ZNF793: variants seen among roughly 807,000 people sequenced by gnomAD.
ZNF793 encodes zinc finger protein 793.
A neutral mutation model predicts 12.4 loss-of-function variants in ZNF793; 5 were observed. That is an observed-to-expected ratio of 0.40 (90% confidence interval 0.21 to 0.84). The LOEUF (loss-of-function observed/expected upper bound fraction) is 0.84. Among genes scored for constraint, ZNF793 ranks in the 40% least tolerant of loss-of-function variants. The pLI, the probability that ZNF793 is intolerant of heterozygous loss-of-function variation, is 0.35. For missense variants in ZNF793, 456 were observed against 495.0 expected, an observed-to-expected ratio of 0.92 and a Z score of 0.75; for synonymous variants, 162 against 172.4, an observed-to-expected ratio of 0.94 and a Z score of 0.47.
chr19:37,540,994 A>G lies in ZNF793; in HGVS notation c.*3115A>G, dbSNP rs1481016455. 6.6e-6 allele frequency: 1 copy of G among 152,086 alleles called. No homozygotes were observed. The allele number at this position is 152,086 out of a possible 1,614,324, so 9.4% of individuals were successfully genotyped here. ...AATAATTAAAAATTTTTAAAATGCCATGCTAGATACCAGAAGATAACATGA... is the reference window on the plus strand; with the variant it reads ...AATAATTAAAAATTTTTAAAATGCCGTGCTAGATACCAGAAGATAACATGA... On this transcript the variant is annotated 3_prime_UTR_variant, in exon 8 of 8. Transcript: ENST00000627814.
chr19:37,533,322 A>G lies in ZNF793; in HGVS notation c.157A>G (p.Lys53Glu), dbSNP rs764341097. Residue 53 changes from lysine to glutamate, a missense_variant, in exon 7 of 8, where the codon AAA becomes GAA. Transcript: ENST00000627814. ...CCCCGGAACAGGTTATGAAGGCACC[A>G]AACCAGATGTGATCCTCAGACTGGA... Reference protein sequence around the residue: ...NLVSVGYEGTKPDVILRLEQE... With the variant: ...NLVSVGYEGTEPDVILRLEQE... The G allele has an allele frequency of 1.9e-6, 3 of 1,614,006 alleles. No individual in the cohort carries two copies. Among genetic ancestry groups the G allele is most frequent in the Non-Finnish European group, 2.5e-6 (3 of 1,179,880 alleles).
rs546598487 is a variant in ZNF793, at chr19:37,515,334, G to T, written c.-275-4850G>T. ...TTTTTCTTTTTTTTTTTGAGATGGAGTCTCACTCTGTCGCCCAGGCTGGAG... is the reference window on the plus strand; with the variant it reads ...TTTTTCTTTTTTTTTTTGAGATGGATTCTCACTCTGTCGCCCAGGCTGGAG... On this transcript the variant is annotated intron_variant, in intron 2 of 7. Transcript: ENST00000627814. 1.1e-4 allele frequency among the ~76,000 whole-genome samples: 17 copies of T among 150,850 alleles called. No homozygotes were observed. The East Asian group carries it at 2.9e-3, about 26-fold the overall frequency.
In ZNF793 at chr19:37,542,634, A is replaced by C. The variant is rs1282287314; in HGVS notation, c.*4755A>C. On this transcript the variant is annotated 3_prime_UTR_variant, in exon 8 of 8. Transcript: ENST00000627814. ...GAAAGGAAAAAACTATAGTGTATCC[A>C]TTCCATAGAATGTTAATATAGCCAT... The C allele has an allele frequency of 4.7e-6, 1 of 211,942 alleles. No individual in the cohort carries two copies. The highest frequency in any genetic ancestry group is 1.0e-5 in the Non-Finnish European group (1 of 100,386). 13.1% of individuals were successfully genotyped at this position (211,942 alleles called of 1,614,324 possible). A position where few individuals can be genotyped will look rare whatever the true frequency, so the allele number is the denominator to read the frequency against.
intron 5 of ZNF793, among the ~76,000 whole-genome samples, chr19:37,524,339 A>G (rs1226056748): frequency 6.6e-6 from 1 of 152,040 alleles, no homozygotes; most frequent in Non-Finnish European, 1.5e-5. Context: ...ATTTTTTTAA[A>G]CCAGATATGT....
Position 37,541,556 on chromosome 19 carries a change from G to A in ZNF793, c.*3677G>A, listed in dbSNP as rs2042552190. 1 of 152,448 alleles carries A rather than the reference G, an allele frequency of 6.6e-6. No individual in the cohort carries two copies. Among genetic ancestry groups the A allele is most frequent in the African/African-American group, 2.4e-5 (1 of 41,454 alleles). The allele number at this position is 152,448 out of a possible 1,614,324, so 9.4% of individuals were successfully genotyped here. On this transcript the variant is annotated 3_prime_UTR_variant, in exon 8 of 8. Coordinates refer to ENST00000627814, the MANE Select transcript of ZNF793 (RefSeq NM_001013659.3). ...TAGCTGGGTGTGGTGGCACATGCCT[G>A]TAGTCCCAGCTACTTGGGAGGCTGA...
rs2042558438 is a variant in ZNF793, at chr19:37,542,493, G to A, written c.*4614G>A. On this transcript the variant is annotated 3_prime_UTR_variant, in exon 8 of 8. Transcript: ENST00000627814. Reference sequence around the variant, plus strand: ...TAAAAGCTCCAATACATAAAAGACAGATGAACATGTGAACATGGACATTTA... The same window carrying A: ...TAAAAGCTCCAATACATAAAAGACAAATGAACATGTGAACATGGACATTTA... 1 of 402,434 alleles carries A rather than the reference G, an allele frequency of 2.5e-6. No homozygotes were observed. The highest frequency in any genetic ancestry group is 5.0e-6 in the Non-Finnish European group (1 of 199,942). The allele number at this position is 402,434 out of a possible 1,614,324, so 24.9% of individuals were successfully genotyped here.
intron 2 of ZNF793, among the ~76,000 whole-genome samples, chr19:37,509,400 A>G (rs1326528271): frequency 6.6e-6 from 1 of 152,258 alleles, no homozygotes; most frequent in Middle Eastern, 3.2e-3. Flanking sequence ...ATGTCAAAAC[A>G]ATATTTTAAT....
chr19:37,514,575 C>CAGATAGATAGATAGAT (rs57773647), intron 2 of ZNF793, among the ~76,000 whole-genome samples: 2,223 of 149,256 alleles, frequency 0.015, 31 homozygotes, highest in East Asian at 0.025. Flanking sequence ...GATAGATAGA[C>CAGATAGATAGATAGAT]AGATAGATAG....
intron 3 of ZNF793, among the ~76,000 whole-genome samples, chr19:37,520,934 C>T (rs937218707): frequency 6.6e-6 from 1 of 151,252 alleles, no homozygotes; most frequent in Non-Finnish European, 1.5e-5. Context: ...GCCACCCAGG[C>T]TGGAGTACAA....
rs2042525921 is a variant in ZNF793 at position 37,538,170 on chromosome 19, C to T, written c.*291C>T. 3.5e-6 allele frequency: 1 copy of T among 284,242 alleles called. No homozygotes were observed. Among genetic ancestry groups the T allele is most frequent in the Non-Finnish European group, 6.6e-6 (1 of 151,664 alleles). The allele number at this position is 284,242 out of a possible 1,614,324, so 17.6% of individuals were successfully genotyped here. On this transcript the variant is annotated 3_prime_UTR_variant, in exon 8 of 8. Transcript: ENST00000627814. ...GACCTTGTGATCTGCCCGCCTTGTC[C>T]TCCCAAAGTGCTGGGATTACAGGCG...
intron 5 of ZNF793, among the ~76,000 whole-genome samples, chr19:37,529,917 A>G (rs1475129919): frequency 6.6e-6 from 1 of 152,164 alleles, no homozygotes; most frequent in African/African-American, 2.4e-5. Context: ...AATGGGGCCC[A>G]GGGTACCAGT....
chr19:37,541,694 GA>G lies in ZNF793; in HGVS notation c.*3825del, dbSNP rs543662846. 0.043 allele frequency: 6,299 copies of G among 145,552 alleles called. 200 individuals carry two copies. Among genetic ancestry groups the G allele is most frequent in the Admixed American group, 0.082 (1,208 of 14,730 alleles). The allele number at this position is 145,552 out of a possible 1,614,324, so 9.0% of individuals were successfully genotyped here. A position where few individuals can be genotyped will look rare whatever the true frequency, so the allele number is the denominator to read the frequency against. ...ACTCCATCTCAGAAAAAAAGAAAAA[GA>G]AAAAAAAAAGGAAACAAACATTTGA... On this transcript the variant is annotated 3_prime_UTR_variant, in exon 8 of 8. Coordinates refer to ENST00000627814, the MANE Select transcript of ZNF793 (RefSeq NM_001013659.3).
intron 3 of ZNF793, 146 bp from the exon 4 acceptor site, chr19:37,522,386 T>TG (rs953906650): frequency 3.4e-4 from 51 of 152,212 alleles, no homozygotes; most frequent in Admixed American, 1.4e-3. Context: ...TTAGTAGAGA[T>TG]GGGGTTTCAC....
chr19:37,532,529 C>T (rs1233870639), intron 6 of ZNF793, 47 bp downstream of exon 6: 1 of 1,510,346 alleles, frequency 6.6e-7, no homozygotes, highest in Non-Finnish European at 8.9e-7. Context: ...CGAATGACCA[C>T]CTTTCCTTTC....
rs75733538 is a variant in ZNF793 at position 37,519,507 on chromosome 19, A to G, written c.-275-677A>G. Among the ~76,000 whole-genome samples the G allele has an allele frequency of 1.2e-3, 183 of 152,340 alleles. 1 individual carries two copies. The highest frequency in any genetic ancestry group is 4.2e-3 in the African/African-American group (174 of 41,578). ...AATAAAACTTGTTTGGTATTTGGAA[A>G]CTAATAAACCCAGTTTAAGGACAAA... On this transcript the variant is annotated intron_variant, in intron 2 of 7. Coordinates refer to ENST00000627814, the MANE Select transcript of ZNF793 (RefSeq NM_001013659.3).
At position 37,537,606 on chromosome 19, in the gene ZNF793, C is replaced by A. The variant is rs139014237; in HGVS notation, c.948C>A (p.Cys316Ter). The part of the protein sequence containing the change: ...TGERPFVCSE[C>*]GKSFGEKSYL... ...AGAGACCCTTTGTCTGCAGTGAATG[C>A]GGGAAATCGTTTGGTGAGAAGTCAT... Residue 316 changes from cysteine to a stop codon, truncating the protein, a stop_gained, in exon 8 of 8, where the codon TGC becomes TGA. Coordinates refer to ENST00000627814, the MANE Select transcript of ZNF793 (RefSeq NM_001013659.3). LOFTEE classifies it low-confidence loss of function (END_TRUNC). The A allele has an allele frequency of 8.2e-5, 133 of 1,613,876 alleles. No individual in the cohort carries two copies. Among genetic ancestry groups the A allele is most frequent in the Non-Finnish European group, 1.0e-4 (123 of 1,179,992 alleles).
chr19:37,529,597 A>T (rs916686890), intron 5 of ZNF793, among the ~76,000 whole-genome samples: 2 of 152,104 alleles, frequency 1.3e-5, no homozygotes, highest in Non-Finnish European at 2.9e-5. Context: ...GTTTCAAGCG[A>T]TTCTCCTGCC....
chr19:37,528,134 AAATT>A (rs533073692), intron 5 of ZNF793, among the ~76,000 whole-genome samples: 3 of 152,128 alleles, frequency 2.0e-5, no homozygotes, highest in Non-Finnish European at 4.4e-5. Context: ...ATCTCAAAAT[AAATT>A]AATTAATTAA....
chr19:37,513,607 T>G (rs1367820034), intron 2 of ZNF793, among the ~76,000 whole-genome samples: 1 of 152,226 alleles, frequency 6.6e-6, no homozygotes, highest in Non-Finnish European at 1.5e-5. Flanking sequence ...TGGGTTCCAC[T>G]CTGGGCCAGA....
Sources: allele counts gnomAD v4.1 joint callset (sites outside exome capture counted in the v4.1 genomes callset), GRCh38; gene constraint gnomAD v4.1.1; transcripts MANE v1.5; gene names NCBI Gene and HGNC (gene_info 2026-07-23, HGNC 2026-07-21).